Variants in KIF1B observed in about 807,000 individuals in gnomAD.
KIF1B encodes the protein kinesin-like protein KIF1B.
KIF1B carries 76 observed loss-of-function variants against 241.9 expected under a neutral mutation model. That is an observed-to-expected ratio of 0.31 (90% CI 0.26 to 0.38). The LOEUF is 0.38. KIF1B is among the 10% of genes least tolerant of loss of function. KIF1B has a pLI of 1.00. For missense variants in KIF1B, 1,622 were observed against 2,271.4 expected, an observed-to-expected ratio of 0.71 and a Z score of 5.81; for synonymous variants, 750 against 796.7, an observed-to-expected ratio of 0.94 and a Z score of 0.99.
intron 10 of KIF1B, among the ~76,000 whole-genome samples, chr1:10,273,934 CTTTTTTT>C (rs35845856): frequency 2.6e-5 from 3 of 116,814 alleles, no homozygotes; most frequent in African/African-American, 6.4e-5. Flanking sequence ...TTAGTAGCTT[CTTTTTTT>C]TTTTTTTTTT....
chr1:10,212,239 T>C (rs1039135652), intron 1 of KIF1B, among the ~76,000 whole-genome samples: 2 of 152,240 alleles, frequency 1.3e-5, no homozygotes, highest in Admixed American at 1.3e-4. Context: ...GCTGGCATTT[T>C]GTCTCCTTAG....
chr1:10,374,802 C>T lies in KIF1B; in HGVS notation c.5097-52C>T, dbSNP rs555810813. ...TGGCGTATTTTGATGGTCCTCAGCA[C>T]GATTATTTTCTTTTTGTGAGAAACT... On this transcript the variant is annotated intron_variant, in intron 46 of 48. Transcript: ENST00000676179. This position sits in a 1 kb window ranked among gnomAD's most constrained non-coding sequence, Gnocchi z 4.3. 28 of 1,555,020 alleles carry T rather than the reference C, an allele frequency of 1.8e-5. No individual in the cohort carries two copies. The South Asian group carries it at 2.1e-4, about 12-fold the overall frequency.
chr1:10,262,065 A>G, intron 5 of KIF1B, 95 bp downstream of exon 5: 1 of 835,708 alleles, frequency 1.2e-6, no homozygotes, highest in Non-Finnish European at 2.1e-6. Flanking sequence ...GGTACACATC[A>G]CTTCACCATT....
At chr1:10,263,441 T>C (rs1648268903) in intron 5 of KIF1B, among the ~76,000 whole-genome samples, 1 of 151,582 alleles carries the variant, frequency 6.6e-6, no homozygotes, top group African/African-American at 2.4e-5. Context: ...TTTGAAAAAA[T>C]AGGCTGCCTT....
chr1:10,350,465 C>T (rs1569876304), intron 37 of KIF1B, among the ~76,000 whole-genome samples: 1 of 121,522 alleles, frequency 8.2e-6, no homozygotes, highest in Middle Eastern at 3.8e-3. Flanking sequence ...GAGGCTGAGG[C>T]AGGAGAATGG....
At chr1:10,293,651 C>G (rs546045165) in intron 17 of KIF1B, among the ~76,000 whole-genome samples, 4 of 152,002 alleles carry the variant, frequency 2.6e-5, no homozygotes, top group Admixed American at 2.6e-4. Flanking sequence ...TTCAGCCTCT[C>G]GAAGTGCTGG....
chr1:10,295,396 T>A (rs920120910), intron 18 of KIF1B, among the ~76,000 whole-genome samples: 1 of 152,166 alleles, frequency 6.6e-6, no homozygotes, highest in African/African-American at 2.4e-5. Context: ...TTAACAAATA[T>A]ACATTCCTTA....
In KIF1B at chr1:10,336,679, T is replaced by C. The variant is rs138169811; in HGVS notation, c.3066T>C (p.Tyr1022=). The C allele has an allele frequency of 1.2e-6, 2 of 1,614,152 alleles. No homozygotes were observed. The highest frequency in any genetic ancestry group is 3.3e-5 in the Admixed American group (2 of 60,020). The part of the protein sequence containing the change: ...AIAADEEAPD[Y]GSGIRQSGTA... ...TAGCGGATGAAGAAGCTCCTGATTA[T>C]GGCTCTGGAATTCGACAGTCAGGAA... Residue 1022 remains tyrosine (Y), a synonymous_variant, in exon 29 of 49, where the codon TAT becomes TAC. Coordinates refer to ENST00000676179, the MANE Select transcript of KIF1B (RefSeq NM_001365951.3).
At chr1:10,235,825 G>A (rs1272042038) in intron 2 of KIF1B, among the ~76,000 whole-genome samples, 17 of 137,446 alleles carry the variant, frequency 1.2e-4, no homozygotes, top group African/African-American at 4.7e-4. Flanking sequence ...TCACACCACT[G>A]CACTCCGGCC....
intron 44 of KIF1B, among the ~76,000 whole-genome samples, chr1:10,369,836 G>A (rs530710411): frequency 2.0e-5 from 3 of 152,132 alleles, no homozygotes; most frequent in East Asian, 3.9e-4. Context: ...GGAGGCTGAG[G>A]CAGGAGAATC....
chr1:10,227,044 T>C (rs1490045261), intron 1 of KIF1B, among the ~76,000 whole-genome samples: 1 of 148,314 alleles, frequency 6.7e-6, no homozygotes, highest in Non-Finnish European at 1.5e-5. Flanking sequence ...TTTTTTTTTT[T>C]TTTTTTTTTT....
intron 2 of KIF1B, among the ~76,000 whole-genome samples, chr1:10,244,816 T>G (rs957214593): frequency 2.7e-5 from 4 of 150,498 alleles, no homozygotes; most frequent in Non-Finnish European, 5.9e-5. Context: ...GTTTCACTGT[T>G]TTAGCCAGGA....
intron 2 of KIF1B, among the ~76,000 whole-genome samples, chr1:10,242,540 G>A (rs1362943858): frequency 2.0e-5 from 3 of 151,664 alleles, no homozygotes; most frequent in Non-Finnish European, 2.9e-5. Flanking sequence ...TTTTTTAGAC[G>A]GAGTCTTGCC....
chr1:10,367,261 A>G (rs1182673370), intron 43 of KIF1B, among the ~76,000 whole-genome samples: 1 of 150,400 alleles, frequency 6.6e-6, no homozygotes, highest in Non-Finnish European at 1.5e-5. Flanking sequence ...ACACCTGGCT[A>G]ATTTTTGTAT....
rs527923043 is a variant in KIF1B at position 10,260,636 on chromosome 1, G to A, written c.364-1269G>A. Among the ~76,000 whole-genome samples, 7 of 151,946 alleles carry A rather than the reference G, an allele frequency of 4.6e-5. No homozygotes were observed. In the South Asian group the frequency reaches 8.3e-4, roughly 18 times the overall value. On this transcript the variant is annotated intron_variant, in intron 4 of 48. Transcript: ENST00000676179. ...TCCCATCACTTTGGGAGGCCAAGGCGGGTGGATCACTGGAGGTCAGGAGTT... is the reference window on the plus strand; with the variant it reads ...TCCCATCACTTTGGGAGGCCAAGGCAGGTGGATCACTGGAGGTCAGGAGTT...
chr1:10,240,647 A>G (rs534184538), intron 2 of KIF1B, among the ~76,000 whole-genome samples: 1 of 151,856 alleles, frequency 6.6e-6, no homozygotes, highest in South Asian at 2.1e-4. Flanking sequence ...CTTGTGATAT[A>G]TCCATTACTT....
intron 38 of KIF1B, among the ~76,000 whole-genome samples, chr1:10,357,292 G>C (rs1189580439): frequency 6.6e-6 from 1 of 152,184 alleles, no homozygotes; most frequent in Admixed American, 6.5e-5. Context: ...AGAACATCTT[G>C]AGAAATCCAT....
At chr1:10,283,206 C>CAAA (rs33994771) in intron 15 of KIF1B, among the ~76,000 whole-genome samples, 7 of 61,550 alleles carry the variant, frequency 1.1e-4, no homozygotes, top group Admixed American at 2.0e-4. Flanking sequence ...GACTCCGTCT[C>CAAA]AAAAAAAAAA....
At chr1:10,312,093 G>C (rs562936360) in intron 22 of KIF1B, among the ~76,000 whole-genome samples, 1 of 149,426 alleles carries the variant, frequency 6.7e-6, no homozygotes, top group African/African-American at 2.5e-5. Flanking sequence ...TCTCTCTCCA[G>C]CCTGGGCCCC....
Sources: allele counts gnomAD v4.1 joint callset (sites outside exome capture counted in the v4.1 genomes callset), GRCh38; gene constraint gnomAD v4.1.1; non-coding constraint Gnocchi (gnomAD v3.1); transcripts MANE v1.5; gene names NCBI Gene and HGNC (gene_info 2026-07-23, HGNC 2026-07-21).